LRCH1: variants seen among roughly 807,000 people sequenced by gnomAD.
LRCH1 encodes leucine rich repeats and calponin homology domain containing 1.
In LRCH1, 23 loss-of-function variants were observed where a neutral mutation model predicts 94.9. That is an observed-to-expected ratio of 0.24 (90% CI 0.17 to 0.34). LRCH1 has a LOEUF of 0.34. Among genes scored for constraint, LRCH1 ranks in the 10% least tolerant of loss-of-function variants. The probability of loss-of-function intolerance (pLI) is 1.00; values close to 1 mark genes in which losing one functional copy is unlikely to be tolerated. For missense variants in LRCH1, 790 were observed against 945.9 expected (o/e 0.84, Z 2.16); for synonymous variants, 364 against 354.9 (o/e 1.03, Z -0.29).
intron 17 of LRCH1, among the ~76,000 whole-genome samples, chr13:46,726,111 G>GC (rs1872803086): frequency 6.6e-6 from 1 of 152,176 alleles, no homozygotes; most frequent in Non-Finnish European, 1.5e-5. Context: ...CTGTGATTCA[G>GC]TTAAAAGGGG....
Position 46,681,800 on chromosome 13 carries a change from A to G in LRCH1, c.639A>G (p.Leu213=). The change falls in exon 4 of 20, where the codon CTA becomes CTG. Residue 213 remains leucine, a synonymous_variant. Coordinates refer to ENST00000389797, the MANE Select transcript of LRCH1 (RefSeq NM_001164211.2). ...LPQQIGQLKS[L]RELNVRRNYL... ...AGCAGATAGGTCAGTTGAAATCTCT[A>G]CGAGAACTGAATGTCAGAAGAAATT... is the stretch of plus-strand genomic sequence containing the variant. 1 of 1,613,874 alleles carries G rather than the reference A, an allele frequency of 6.2e-7. No individual in the cohort carries two copies. The highest frequency in any genetic ancestry group is 1.1e-5 in the South Asian group (1 of 91,072).
intron 1 of LRCH1, among the ~76,000 whole-genome samples, chr13:46,613,325 G>C (rs1156646406): frequency 6.6e-6 from 1 of 151,830 alleles, no homozygotes; most frequent in Non-Finnish European, 1.5e-5. Flanking sequence ...GGGAGTCAGA[G>C]GTTGCAATGA....
chr13:46,642,493 C>T (rs946123597), intron 1 of LRCH1, among the ~76,000 whole-genome samples: 3 of 152,108 alleles, frequency 2.0e-5, no homozygotes, highest in Admixed American at 1.3e-4. Context: ...ATGAGGATTA[C>T]GTGAGGAAAA....
chr13:46,705,599 A>G (rs1337945328), intron 13 of LRCH1: 6 of 535,630 alleles, frequency 1.1e-5, no homozygotes, highest in Non-Finnish European at 2.0e-5. Context: ...TAAAATACAT[A>G]GGGAATCTGC....
chr13:46,600,680 T>C (rs1272763927), intron 1 of LRCH1, among the ~76,000 whole-genome samples: 1 of 150,230 alleles, frequency 6.7e-6, no homozygotes, highest in East Asian at 1.9e-4. Context: ...TGTTGCAAGT[T>C]GCAGATGTTT....
At chr13:46,737,981 T>C (rs1361521930) in intron 19 of LRCH1, among the ~76,000 whole-genome samples, 1 of 152,238 alleles carries the variant, frequency 6.6e-6, no homozygotes, top group Admixed American at 6.5e-5. Context: ...TAATTTTAAA[T>C]AGGTAACTTT....
chr13:46,581,840 A>G (rs4942553), intron 1 of LRCH1, among the ~76,000 whole-genome samples: 118,049 of 152,152 alleles, frequency 0.78, 46,027 homozygotes, highest in East Asian at 0.91. Context: ...TTGTCCCCCC[A>G]TTCCATAATT....
chr13:46,740,793 T>G (rs1044496709), intron 19 of LRCH1, among the ~76,000 whole-genome samples: 7 of 152,208 alleles, frequency 4.6e-5, no homozygotes, highest in Non-Finnish European at 7.3e-5. Flanking sequence ...CTGACAGCAA[T>G]AGGCTGCTGA....
chr13:46,714,274 A>G (rs1349251359), intron 15 of LRCH1, among the ~76,000 whole-genome samples: 1 of 152,224 alleles, frequency 6.6e-6, no homozygotes, highest in Middle Eastern at 3.2e-3. Flanking sequence ...AATGCTGTTT[A>G]CCTTCAGGAT....
intron 1 of LRCH1, among the ~76,000 whole-genome samples, chr13:46,572,910 G>A (rs916311993): frequency 1.3e-5 from 2 of 151,974 alleles, no homozygotes; most frequent in Non-Finnish European, 2.9e-5. Flanking sequence ...TTGCAACCAC[G>A]TTGCCTGGGT....
intron 1 of LRCH1, among the ~76,000 whole-genome samples, chr13:46,616,476 C>T (rs907438192): frequency 6.6e-6 from 1 of 152,156 alleles, no homozygotes; most frequent in East Asian, 1.9e-4. Flanking sequence ...TTCCTAGTGG[C>T]AGTGGAGGCT....
intron 1 of LRCH1, among the ~76,000 whole-genome samples, chr13:46,649,750 G>A (rs1222705337): frequency 6.6e-6 from 1 of 151,704 alleles, no homozygotes; most frequent in Non-Finnish European, 1.5e-5. Flanking sequence ...GAACACCTGA[G>A]CCTGGGAGGT....
At chr13:46,606,737 A>G (rs941908220) in intron 1 of LRCH1, among the ~76,000 whole-genome samples, 5 of 151,994 alleles carry the variant, frequency 3.3e-5, no homozygotes, top group Non-Finnish European at 7.4e-5. Context: ...ACGCTCGGCC[A>G]ATTTTTGTAT....
intron 19 of LRCH1, among the ~76,000 whole-genome samples, chr13:46,739,765 A>G (rs1414237445): frequency 1.3e-5 from 2 of 152,202 alleles, no homozygotes; most frequent in Non-Finnish European, 2.9e-5. Flanking sequence ...ATTTAAATTA[A>G]CCACTATAGG....
chr13:46,621,999 A>G (rs1361753567), intron 1 of LRCH1, among the ~76,000 whole-genome samples: 3 of 152,188 alleles, frequency 2.0e-5, no homozygotes, highest in African/African-American at 7.2e-5. Context: ...TGGACTCCAA[A>G]CATAAAGCAA....
chr13:46,582,720 T>C (rs7337752), intron 1 of LRCH1, among the ~76,000 whole-genome samples: 103,599 of 133,238 alleles, frequency 0.78, 40,479 homozygotes, highest in East Asian at 0.91. Flanking sequence ...AGGCTGGTCT[T>C]GAACTTCTCA....
At chr13:46,732,412 C>T (rs536659521) in intron 18 of LRCH1, among the ~76,000 whole-genome samples, 8 of 152,276 alleles carry the variant, frequency 5.3e-5, no homozygotes, top group African/African-American at 1.4e-4. Flanking sequence ...TTAACCATTG[C>T]GTTTGTCACA....
intron 1 of LRCH1, among the ~76,000 whole-genome samples, chr13:46,582,028 T>G (rs1364946186): frequency 1.3e-5 from 2 of 151,804 alleles, no homozygotes; most frequent in Non-Finnish European, 2.9e-5. Context: ...TGTGTGCCTG[T>G]AGTCCCAGCT....
chr13:46,682,304 A>G (rs1870360014), intron 4 of LRCH1, among the ~76,000 whole-genome samples: 1 of 151,996 alleles, frequency 6.6e-6, no homozygotes, highest in African/African-American at 2.4e-5. Flanking sequence ...CCCTCTGCAC[A>G]TGTCTGTGTC....
Sources: gnomAD v4.1 joint callset for allele counts (sites outside exome capture counted in the v4.1 genomes callset) on GRCh38, gnomAD v4.1.1 for gene constraint, MANE v1.5 for transcripts, NCBI Gene and HGNC (gene_info 2026-07-23, HGNC 2026-07-21) for gene names.